LRRC8C: variants seen among roughly 807,000 people sequenced by gnomAD.
LRRC8C encodes leucine rich repeat containing 8 VRAC subunit C, also known as volume-regulated anion channel subunit LRRC8C.
In LRRC8C, 20 loss-of-function variants were observed where a neutral mutation model predicts 55.3. That is an observed-to-expected ratio of 0.36 (90% CI 0.25 to 0.53). The LOEUF (loss-of-function observed/expected upper bound fraction) is 0.53. Among genes scored for constraint, LRRC8C ranks in the 20% least tolerant of loss-of-function variants. The pLI, the probability that LRRC8C is intolerant of heterozygous loss-of-function variation, is 0.92. For missense variants in LRRC8C, 659 were observed against 951.4 expected (o/e 0.69, Z 4.04); for synonymous variants, 376 against 360.7 (o/e 1.04, Z -0.48).
intron 1 of LRRC8C, among the ~76,000 whole-genome samples, chr1:89,657,517 C>T (rs1656981086): frequency 6.6e-6 from 1 of 151,952 alleles, no homozygotes; most frequent in Non-Finnish European, 1.5e-5. Flanking sequence ...CCGAGGCAGG[C>T]AGATCATGAG....
chr1:89,684,494 TG>T (rs1461536201), intron 1 of LRRC8C, among the ~76,000 whole-genome samples: 1 of 152,230 alleles, frequency 6.6e-6, no homozygotes, highest in African/African-American at 2.4e-5. Context: ...TCAGGCAGTA[TG>T]GCAAGTAATG....
intron 1 of LRRC8C, among the ~76,000 whole-genome samples, chr1:89,667,462 T>A (rs906551782): frequency 6.6e-6 from 1 of 152,170 alleles, no homozygotes; most frequent in African/African-American, 2.4e-5. Flanking sequence ...ATAATGATTC[T>A]TCTCTCTCAA....
At chr1:89,627,796 T>C in the LRRC8C span, among the ~76,000 whole-genome samples, 2 of 152,196 alleles carry the variant, frequency 1.3e-5, no homozygotes, top group Non-Finnish European at 2.9e-5. Context: ...TAATACTGCC[T>C]GTGTAATGGA....
chr1:89,693,204 T>G (rs1658071709), intron 2 of LRRC8C, among the ~76,000 whole-genome samples: 1 of 152,146 alleles, frequency 6.6e-6, no homozygotes, highest in African/African-American at 2.4e-5. Context: ...TTAGGACATG[T>G]GAGTTTTTTG....
intron 1 of LRRC8C, among the ~76,000 whole-genome samples, chr1:89,673,429 C>T (rs558726587): frequency 5.3e-5 from 8 of 152,262 alleles, no homozygotes; most frequent in Non-Finnish European, 8.8e-5. Context: ...CTCAGGAAGA[C>T]CTCATCTGGC....
Position 89,713,956 on chromosome 1 carries a change from C to G in LRRC8C, c.1386C>G (p.Thr462=). 6.2e-7 allele frequency: 1 copy of G among 1,613,708 alleles called. No individual in the cohort carries two copies. Among genetic ancestry groups the G allele is most frequent in the Non-Finnish European group, 8.5e-7 (1 of 1,180,006 alleles). ...EIIKNVMIPA[T]IAQLDNLQEL... The stretch of plus-strand genomic sequence containing the variant: ...TTAAGAACGTAATGATACCAGCCAC[C>G]ATTGCACAGCTAGACAATCTTCAAG... The change falls in exon 3 of 3, where the codon ACC becomes ACG. Residue 462 remains threonine (T), a synonymous_variant. Coordinates refer to ENST00000370454, the MANE Select transcript of LRRC8C (RefSeq NM_032270.5). This position sits in a 1 kb window ranked among gnomAD's most constrained non-coding sequence, Gnocchi z 5.2.
chr1:89,652,156 T>C (rs1656808027), intron 1 of LRRC8C, among the ~76,000 whole-genome samples: 1 of 152,128 alleles, frequency 6.6e-6, no homozygotes, highest in African/African-American at 2.4e-5. Context: ...TCATACCTTG[T>C]TGGAATTTAG....
intron 1 of LRRC8C, among the ~76,000 whole-genome samples, chr1:89,648,477 T>C (rs1016011554): frequency 3.9e-5 from 6 of 152,164 alleles, no homozygotes; most frequent in Non-Finnish European, 8.8e-5. Context: ...ATGAGACAAA[T>C]ATAAGGAAGT....
At chr1:89,701,709 C>T (rs1035648224) in intron 2 of LRRC8C, among the ~76,000 whole-genome samples, 5 of 151,888 alleles carry the variant, frequency 3.3e-5, no homozygotes, top group Admixed American at 2.6e-4. Context: ...CACACATCTG[C>T]GAAAGATGGT....
the LRRC8C span, among the ~76,000 whole-genome samples, chr1:89,617,253 A>C: frequency 0.026 from 3,982 of 152,278 alleles, 199 homozygotes; most frequent in Admixed American, 0.14. Flanking sequence ...TTTCAGAGAA[A>C]CTAAGTGATG....
Position 89,649,154 on chromosome 1 carries a change from T to C in LRRC8C, c.-5+15832T>C, listed in dbSNP as rs142545808. 2.7e-4 allele frequency among the ~76,000 whole-genome samples: 41 copies of C among 152,312 alleles called. No individual in the cohort carries two copies. In the East Asian group the frequency reaches 6.7e-3, roughly 25 times the overall value. On this transcript the variant is annotated intron_variant, in intron 1 of 2. Transcript: ENST00000370454. ...TTGACATTGTGATGTAAATGAGGTA[T>C]AATTTTTGCATCCTATCCCTAACTA...
At chr1:89,640,187 C>G (rs1344341799) in intron 1 of LRRC8C, among the ~76,000 whole-genome samples, 1 of 152,224 alleles carries the variant, frequency 6.6e-6, no homozygotes, top group Non-Finnish European at 1.5e-5. Flanking sequence ...GCCTCAGCCT[C>G]CCAAGTAGCT....
chr1:89,639,233 C>T (rs1656387696), intron 1 of LRRC8C, among the ~76,000 whole-genome samples: 1 of 152,118 alleles, frequency 6.6e-6, no homozygotes, highest in African/African-American at 2.4e-5. Flanking sequence ...GATCCACCTG[C>T]CTCAGCCTCC....
At chr1:89,672,675 T>G (rs1320518080) in intron 1 of LRRC8C, among the ~76,000 whole-genome samples, 1 of 152,164 alleles carries the variant, frequency 6.6e-6, no homozygotes, top group African/African-American at 2.4e-5. Context: ...CTACATCCCA[T>G]GTCTTTCTCA....
At chr1:89,709,588 A>T (rs1005220187) in intron 2 of LRRC8C, among the ~76,000 whole-genome samples, 1 of 151,968 alleles carries the variant, frequency 6.6e-6, no homozygotes, top group Non-Finnish European at 1.5e-5. Flanking sequence ...AGCCCGGGGG[A>T]GGGTTCAGGC....
At position 89,656,928 on chromosome 1, in the gene LRRC8C, A is replaced by C. The variant is rs561414991; in HGVS notation, c.-5+23606A>C. On this transcript the variant is annotated intron_variant, in intron 1 of 2. Transcript: ENST00000370454. ...AATGTAGTTGACAATTTTCACATTT[A>C]CTGCCGGCTACTTATCCAAGTGTGC... 2.0e-5 allele frequency among the ~76,000 whole-genome samples: 3 copies of C among 152,332 alleles called. No individual in the cohort carries two copies. The East Asian group carries it at 5.8e-4, about 29-fold the overall frequency.
chr1:89,676,038 T>C (rs1308713813), intron 1 of LRRC8C, among the ~76,000 whole-genome samples: 1 of 152,230 alleles, frequency 6.6e-6, no homozygotes, highest in African/African-American at 2.4e-5. Context: ...TGTACTTGAA[T>C]TGTGCGGAAT....
At chr1:89,630,131 C>A (rs1215501), upstream of LRRC8C, among the ~76,000 whole-genome samples, 90,649 of 152,108 alleles carry the variant, frequency 0.6, 28,173 homozygotes, top group African/African-American at 0.77. Flanking sequence ...GATCACACAG[C>A]ATGAGACTCT....
chr1:89,654,639 T>G lies in LRRC8C; in HGVS notation c.-5+21317T>G, dbSNP rs545755065. On this transcript the variant is annotated intron_variant, in intron 1 of 2. Transcript: ENST00000370454. ...AAGTTAGTTTGGTTGGGTACTAAAC[T>G]CTACATTGACAACCACTTTCACTAA... is the stretch of plus-strand genomic sequence containing the variant. Among the ~76,000 whole-genome samples the G allele has an allele frequency of 2.6e-5, 4 of 152,320 alleles. No homozygotes were observed. In the South Asian group the frequency reaches 8.3e-4, roughly 32 times the overall value.
Sources: gnomAD v4.1 joint callset for allele counts (sites outside exome capture counted in the v4.1 genomes callset) on GRCh38, gnomAD v4.1.1 for gene constraint, Gnocchi (gnomAD v3.1) non-coding constraint, MANE v1.5 for transcripts, NCBI Gene and HGNC (gene_info 2026-07-23, HGNC 2026-07-21) for gene names.